The following QTMAN variants were observed in gnomAD, a reference collection of about 807,000 sequenced individuals.
QTMAN encodes tRNA-queuosine alpha-mannosyltransferase.
the QTMAN span, among the ~76,000 whole-genome samples, chr2:143,954,286 G>A: frequency 2.0e-5 from 3 of 151,994 alleles, no homozygotes; most frequent in African/African-American, 7.2e-5. Flanking sequence ...TGTGCCAATC[G>A]AAAAGCAAAT....
the QTMAN span, among the ~76,000 whole-genome samples, chr2:143,996,592 A>G: frequency 6.6e-6 from 1 of 152,132 alleles, no homozygotes; most frequent in African/African-American, 2.4e-5. Flanking sequence ...CATAAGGCTC[A>G]CGTCTAATTT....
the QTMAN span, chr2:144,208,651 G>A: frequency 6.2e-7 from 1 of 1,613,822 alleles, no homozygotes; most frequent in African/African-American, 1.3e-5. Context: ...TAAAGCAGAT[G>A]TCCGGGCTCT....
At chr2:144,331,585 TAAG>T in the QTMAN span, among the ~76,000 whole-genome samples, 3 of 152,084 alleles carry the variant, frequency 2.0e-5, no homozygotes, top group East Asian at 3.9e-4. Flanking sequence ...GGCATTAACT[TAAG>T]AATCTCAAGA....
At chr2:143,951,638 T>C in the QTMAN span, among the ~76,000 whole-genome samples, 2 of 151,568 alleles carry the variant, frequency 1.3e-5, no homozygotes, top group South Asian at 4.1e-4. Flanking sequence ...TCCTCATTAG[T>C]ATAATTGTAG....
At chr2:144,258,238 C>A in the QTMAN span, among the ~76,000 whole-genome samples, 204 of 140,490 alleles carry the variant, frequency 1.5e-3, 1 homozygote, top group African/African-American at 4.8e-3. Context: ...AAAACAAAAA[C>A]AAAAAACAGC....
chr2:144,331,160 A>C, the QTMAN span, among the ~76,000 whole-genome samples: 1 of 152,222 alleles, frequency 6.6e-6, no homozygotes, highest in African/African-American at 2.4e-5. Flanking sequence ...GACCCTAAGG[A>C]AAATGTATAC....
chr2:144,104,835 A>T, the QTMAN span, among the ~76,000 whole-genome samples: 1 of 152,232 alleles, frequency 6.6e-6, no homozygotes, highest in African/African-American at 2.4e-5. Flanking sequence ...ATCCCCGAGT[A>T]GCCTAACTGG....
At chr2:144,289,056 T>C in the QTMAN span, among the ~76,000 whole-genome samples, 19 of 141,346 alleles carry the variant, frequency 1.3e-4, no homozygotes, top group Admixed American at 3.6e-4. Flanking sequence ...TTTTTTGACA[T>C]GGAGTCTCGC....
chr2:144,216,468 C>G, the QTMAN span, among the ~76,000 whole-genome samples: 1 of 152,168 alleles, frequency 6.6e-6, no homozygotes, highest in Non-Finnish European at 1.5e-5. Flanking sequence ...GAAAGTAACA[C>G]TGGTTTCACT....
At chr2:144,246,255 T>C in the QTMAN span, among the ~76,000 whole-genome samples, 19 of 152,200 alleles carry the variant, frequency 1.2e-4, no homozygotes, top group Admixed American at 6.5e-4. Context: ...TAGCTGATGA[T>C]AGCTAGGTGA....
the QTMAN span, chr2:144,142,044 T>G: frequency 1.2e-6 from 2 of 1,609,464 alleles, no homozygotes; most frequent in Non-Finnish European, 8.5e-7. Context: ...TACAACCACA[T>G]CAGCCACCAG....
the QTMAN span, among the ~76,000 whole-genome samples, chr2:144,069,578 GT>G: frequency 6.6e-6 from 1 of 151,184 alleles, no homozygotes; most frequent in Non-Finnish European, 1.5e-5. Context: ...AGAATAACAG[GT>G]TTGATCATAC....
At chr2:144,001,876 T>A in the QTMAN span, among the ~76,000 whole-genome samples, 1 of 151,896 alleles carries the variant, frequency 6.6e-6, no homozygotes, top group Non-Finnish European at 1.5e-5. Context: ...GAACTACAAA[T>A]TAGGCAATTC....
the QTMAN span, among the ~76,000 whole-genome samples, chr2:144,055,368 C>CACA: frequency 6.7e-6 from 1 of 150,358 alleles, no homozygotes; most frequent in South Asian, 2.1e-4. Flanking sequence ...CACACACACA[C>CACA]CCCTCTGAGA....
chr2:144,225,124 G>A, the QTMAN span, among the ~76,000 whole-genome samples: 83 of 152,282 alleles, frequency 5.5e-4, no homozygotes, highest in Non-Finnish European at 8.7e-4. Flanking sequence ...GCAAGTGGGA[G>A]CATGTTCCAC....
At chr2:143,981,745 T>G in the QTMAN span, among the ~76,000 whole-genome samples, 10 of 152,196 alleles carry the variant, frequency 6.6e-5, no homozygotes, top group Non-Finnish European at 1.5e-4. Flanking sequence ...CAGATTGTCA[T>G]GGCAAATGAT....
chr2:144,307,430 G>A, the QTMAN span, among the ~76,000 whole-genome samples: 2 of 152,016 alleles, frequency 1.3e-5, no homozygotes, highest in East Asian at 1.9e-4. Context: ...CACTCTCACC[G>A]CTTCTATTTA....
chr2:143,952,055 G>GTAGAATACAGATATTCAGCTGCAGGAAAA, the QTMAN span: 10 of 1,601,008 alleles, frequency 6.2e-6, no homozygotes, highest in Middle Eastern at 3.3e-4. Context: ...CTGTTCAGGT[G>GTAGAATACAGATATTCAGCTGCAGGAAAA]TAGAATACAG....
At chr2:143,958,245 C>T in the QTMAN span, among the ~76,000 whole-genome samples, 1 of 151,938 alleles carries the variant, frequency 6.6e-6, no homozygotes, top group Admixed American at 6.6e-5. Context: ...GTAGACATAA[C>T]TATCAACGGG....
Sources: gnomAD v4.1 joint callset for allele counts (sites outside exome capture counted in the v4.1 genomes callset) on GRCh38, gnomAD v4.1.1 for gene constraint, MANE v1.5 for transcripts, NCBI Gene and HGNC (gene_info 2026-07-23, HGNC 2026-07-21) for gene names.